Variants in NLRP12 observed in about 807,000 individuals in gnomAD.
NLRP12 encodes the protein NACHT, LRR and PYD domains-containing protein 12.
A neutral mutation model predicts 91.2 loss-of-function variants in NLRP12; 108 were observed. The ratio of observed to expected loss-of-function variants is 1.18; its 90% confidence interval spans 1.01 to 1.39. The LOEUF (loss-of-function observed/expected upper bound fraction) is 1.39, where lower values mean the gene tolerates loss of function less well. NLRP12 is among the 40% of genes most tolerant of loss of function. The pLI is 0.00. For synonymous variants in NLRP12, 613 were observed against 566.7 expected (o/e 1.08, Z -1.16); for missense variants, 1,530 against 1,352.7 (o/e 1.13, Z -2.06).
In NLRP12 at chr19:53,798,436, C is replaced by T. The variant is rs556560353; in HGVS notation, c.2757-23G>A. ...AACCTGCAAAGACAGGATGCTAGGG[C>T]GGAGTGGGAGGCATTCCTCCTGCAA... On this transcript the variant is annotated intron_variant, in intron 7 of 9. Coordinates refer to ENST00000324134, the MANE Select transcript of NLRP12 (RefSeq NM_144687.4). 5.0e-5 allele frequency: 80 copies of T among 1,609,648 alleles called. 1 individual carries two copies. Among genetic ancestry groups the T allele is most frequent in the Middle Eastern group, 1.7e-4 (1 of 6,020 alleles).
At chr19:53,807,465 C>T (rs1462328242) in intron 4 of NLRP12, 30 bp downstream of exon 4, 2 of 1,607,310 alleles carry the variant, frequency 1.2e-6, no homozygotes, top group Non-Finnish European at 1.7e-6. Flanking sequence ...GTGGGGACCA[C>T]CTGAAACGCC....
Position 53,813,249 on chromosome 19 carries a change from CAT to C in NLRP12, c.370+1657_370+1658del, listed in dbSNP as rs151103388. 9.6e-3 allele frequency among the ~76,000 whole-genome samples: 1,417 copies of C among 147,490 alleles called. 28 individuals carry two copies. The highest frequency in any genetic ancestry group is 0.033 in the African/African-American group (1,337 of 40,132). On this transcript the variant is annotated intron_variant, in intron 2 of 9. Transcript: ENST00000324134. ...ACTCCATATCCATTAAATATTAACT[CAT>C]AATTTCTCCTCTCCCTGGCAACTGC... is the stretch of plus-strand genomic sequence containing the variant.
At position 53,801,147 on chromosome 19, in the gene NLRP12, A is replaced by G. The variant is rs138563079; in HGVS notation, c.2756+80T>C. 3.5e-4 allele frequency: 477 copies of G among 1,355,586 alleles called. 3 individuals carry two copies. In the African/African-American group the frequency reaches 5.8e-3, roughly 16 times the overall value. 84.0% of individuals were successfully genotyped at this position (1,355,586 alleles called of 1,614,324 possible). The stretch of plus-strand genomic sequence containing the variant: ...TAGCTAGAGTTTAGGAGCAGAGACA[A>G]CCTGGCCTCCGTGGTCCCAGGTGAG... On this transcript the variant is annotated intron_variant, in intron 7 of 9. Coordinates refer to ENST00000324134, the MANE Select transcript of NLRP12 (RefSeq NM_144687.4).
In NLRP12 at chr19:53,801,405, A is replaced by G. The variant is rs1176822947; in HGVS notation, c.2586-8T>C. The G allele has an allele frequency of 7.4e-6, 12 of 1,613,222 alleles. No homozygotes were observed. Among genetic ancestry groups the G allele is most frequent in the Admixed American group, 1.7e-5 (1 of 59,910 alleles). On this transcript the variant is annotated splice_polypyrimidine_tract_variant and splice_region_variant and intron_variant, in intron 6 of 9. Transcript: ENST00000324134. The stretch of plus-strand genomic sequence containing the variant: ...AGGCGGCAGATCTTCAGCCTGCACA[A>G]AGTCCAATTCAACAAGCATTATGGA...
In NLRP12 at chr19:53,823,423, T is replaced by TATATTTTTAA. The variant is rs1363310431; in HGVS notation, c.289+462_289+463insTTAAAAATAT. ...ATATATTTAAAATATATGTTTTAAA[T>TATATTTTTAA]ATATATATTTAAAATATATGTTTTA... is the stretch of plus-strand genomic sequence containing the variant. On this transcript the variant is annotated intron_variant, in intron 1 of 9. Coordinates refer to ENST00000324134, the MANE Select transcript of NLRP12 (RefSeq NM_144687.4). Among the ~76,000 whole-genome samples, 285 of 109,878 alleles carry TATATTTTTAA rather than the reference T, an allele frequency of 2.6e-3. 3 individuals are homozygous for TATATTTTTAA. The highest frequency in any genetic ancestry group is 9.7e-3 in the African/African-American group (256 of 26,508). 72.1% of individuals were successfully genotyped at this position (109,878 alleles called of 152,430 possible).
chr19:53,793,978 T>G lies in NLRP12; in HGVS notation c.*71A>C. 9.8e-7 allele frequency: 1 copy of G among 1,024,326 alleles called. No homozygotes were observed. Among genetic ancestry groups the G allele is most frequent in the Non-Finnish European group, 1.6e-6 (1 of 641,902 alleles). The allele number at this position is 1,024,326 out of a possible 1,614,324, so 63.5% of individuals were successfully genotyped here. On this transcript the variant is annotated 3_prime_UTR_variant, in exon 10 of 10. Transcript: ENST00000324134. ...CTAGGAAGGAGGCTGATCATTATGC[T>G]GGGGGGGTGATGAGCACCCTCCCAT... is the stretch of plus-strand genomic sequence containing the variant.
intron 1 of NLRP12, among the ~76,000 whole-genome samples, chr19:53,819,527 G>GTA (rs1413040479): frequency 1.4e-4 from 6 of 43,606 alleles, no homozygotes; most frequent in South Asian, 1.4e-3. Flanking sequence ...GTGTATATAT[G>GTA]TGTGTATGTA....
At chr19:53,803,844 G>A in intron 6 of NLRP12, 108 bp downstream of exon 6, 2 of 1,125,442 alleles carry the variant, frequency 1.8e-6, no homozygotes, top group Non-Finnish European at 2.6e-6. Context: ...AAAGTGCCGG[G>A]ATTACAGGCG....
In NLRP12 at chr19:53,814,892, A is replaced by G. The variant is rs569374243; in HGVS notation, c.370+16T>C. The G allele has an allele frequency of 1.2e-5, 19 of 1,607,966 alleles. No individual in the cohort carries two copies. The highest frequency in any genetic ancestry group is 1.4e-5 in the Non-Finnish European group (17 of 1,174,414). On this transcript the variant is annotated intron_variant, in intron 2 of 9. Transcript: ENST00000324134. Reference sequence around the variant, plus strand: ...TGTGTAGATGAATACATGTAGGTACATGGCTTGAGGCTCACCTTTTCTTGG... The same window carrying G: ...TGTGTAGATGAATACATGTAGGTACGTGGCTTGAGGCTCACCTTTTCTTGG...
At chr19:53,796,855 G>A (rs1362292367) in intron 8 of NLRP12, among the ~76,000 whole-genome samples, 1 of 150,016 alleles carries the variant, frequency 6.7e-6, no homozygotes, top group African/African-American at 2.4e-5. Context: ...ATTAGCCGGG[G>A]TGGTGGCGCA....
chr19:53,804,069 A>AAG lies in NLRP12; in HGVS notation c.2467_2468insCT (p.Leu823ProfsTer13), dbSNP rs779957223. On this transcript the variant is annotated frameshift_variant, in exon 6 of 10. Coordinates refer to ENST00000324134, the MANE Select transcript of NLRP12 (RefSeq NM_144687.4). LOFTEE classifies it high-confidence loss of function. ...CTCAACCAGATGTGGGTTGGTGCCG[A>AAG]GCACAGAAGCCATCTCCTGACAAGC... The AAG allele has an allele frequency of 2.4e-5, 39 of 1,613,918 alleles. No homozygotes were observed. Among genetic ancestry groups the AAG allele is most frequent in the Non-Finnish European group, 3.2e-5 (38 of 1,180,016 alleles).
At position 53,805,441 on chromosome 19, in the gene NLRP12, C is replaced by T. The variant is rs747968386; in HGVS notation, c.2253G>A (p.Arg751=). Residue 751 remains arginine (R), a synonymous_variant, in exon 5 of 10, where the codon AGG becomes AGA. Transcript: ENST00000324134. ...NCKLQNLRLK[R]CRISSSACED... ...CGCAGGCTGAGCTGGAGATGCGGCA[C>T]CTCTTCAGCCTGGGGTGGAAAAGAG... 9 of 1,613,792 alleles carry T rather than the reference C, an allele frequency of 5.6e-6. No individual in the cohort carries two copies. The highest frequency in any genetic ancestry group is 6.8e-6 in the Non-Finnish European group (8 of 1,179,992).
intron 5 of NLRP12, 120 bp from the exon 6 acceptor site, chr19:53,804,242 A>G: frequency 8.7e-7 from 1 of 1,144,110 alleles, no homozygotes; most frequent in Non-Finnish European, 1.3e-6. Context: ...ACCCAGGGTG[A>G]AGTTCAGTGG....
intron 7 of NLRP12, among the ~76,000 whole-genome samples, 183 bp downstream of exon 7, chr19:53,801,044 T>C (rs1440220515): frequency 1.3e-5 from 2 of 151,454 alleles, no homozygotes; most frequent in Middle Eastern, 3.2e-3. Flanking sequence ...ATACAAAAAA[T>C]TAGCTGGGCT....
At chr19:53,823,407 AAATATATGTTTTAAAT>A (rs1435934094) in intron 1 of NLRP12, among the ~76,000 whole-genome samples, 165 of 125,672 alleles carry the variant, frequency 1.3e-3, no homozygotes, top group African/African-American at 4.5e-3. Flanking sequence ...TATATATTTA[AAATATATGTTTTAAAT>A]ATATATATTT....
chr19:53,823,972 T>C lies in NLRP12; in HGVS notation c.203A>G (p.Glu68Gly). ...GGTGCTGAGAGCCAACCTCCAGGCCTCCTCTGGCCCGAAGTGGGTGATGAG... is the reference window on the plus strand; with the variant it reads ...GGTGCTGAGAGCCAACCTCCAGGCCCCCTCTGGCCCGAAGTGGGTGATGAG... ...QLLITHFGPEEAWRLALSTFE... is the reference protein window; with the variant it reads ...QLLITHFGPEGAWRLALSTFE... Residue 68 changes from glutamate (E) to glycine (G), a missense_variant, in exon 1 of 10, where the codon GAG (glutamate) becomes GGG (glycine). Transcript: ENST00000324134. 6.2e-7 allele frequency: 1 copy of C among 1,614,186 alleles called. No homozygotes were observed. The highest frequency in any genetic ancestry group is 8.5e-7 in the Non-Finnish European group (1 of 1,180,044).
At chr19:53,807,170 C>T (rs200059799) in intron 4 of NLRP12, among the ~76,000 whole-genome samples, 3 of 151,890 alleles carry the variant, frequency 2.0e-5, no homozygotes, top group South Asian at 2.1e-4. Context: ...CAGGTTCAAG[C>T]GATTCTCCTG....
At chr19:53,817,787 C>CTATT (rs375251407) in intron 1 of NLRP12, among the ~76,000 whole-genome samples, 114 of 151,866 alleles carry the variant, frequency 7.5e-4, no homozygotes, top group South Asian at 4.4e-3. Context: ...TATTTTAGCA[C>CTATT]TATTTATTTA....
intron 1 of NLRP12, among the ~76,000 whole-genome samples, chr19:53,820,842 T>C (rs4432362): frequency 0.94 from 141,043 of 150,740 alleles, 66,172 homozygotes; most frequent in Non-Finnish European, 0.97. Flanking sequence ...CGCCCATCAC[T>C]GCGCCCAGCT....
Sources: gnomAD v4.1 joint callset for allele counts (sites outside exome capture counted in the v4.1 genomes callset) on GRCh38, gnomAD v4.1.1 for gene constraint, MANE v1.5 for transcripts, NCBI Gene and HGNC (gene_info 2026-07-23, HGNC 2026-07-21) for gene names.